Variants in CAST observed in about 807,000 individuals in gnomAD.
CAST encodes the protein MIR583 host.
In CAST, 76 loss-of-function variants were observed where a neutral mutation model predicts 119.6. That is an observed-to-expected ratio of 0.64 (90% CI 0.53 to 0.77). The LOEUF (loss-of-function observed/expected upper bound fraction) is 0.77, where lower values mean the gene tolerates loss of function less well. CAST is among the 30% of genes least tolerant of loss of function. The probability of loss-of-function intolerance (pLI) is 0.00; values close to 1 mark genes in which losing one functional copy is unlikely to be tolerated. For synonymous variants in CAST, 319 were observed against 331.6 expected, an observed-to-expected ratio of 0.96 and a Z score of 0.41; for missense variants, 953 against 946.5, an observed-to-expected ratio of 1.01 and a Z score of -0.09.
At chr5:96,611,070 C>T (rs1747352268) in intron 1 of CAST, among the ~76,000 whole-genome samples, 1 of 152,132 alleles carries the variant, frequency 6.6e-6, no homozygotes, top group Non-Finnish European at 1.5e-5. Flanking sequence ...AATGTCCATA[C>T]TGCCCAAAGC....
chr5:96,361,936 T>C, the CAST span, among the ~76,000 whole-genome samples: 1 of 151,692 alleles, frequency 6.6e-6, no homozygotes, highest in Non-Finnish European at 1.5e-5. Context: ...CTGCACCCAT[T>C]AACTTGTCAT....
intron 1 of CAST, among the ~76,000 whole-genome samples, chr5:96,594,754 T>C (rs1345991205): frequency 6.6e-6 from 1 of 152,228 alleles, no homozygotes; most frequent in Non-Finnish European, 1.5e-5. Flanking sequence ...GATATTATAG[T>C]AAACTCTGTT....
chr5:96,173,281 G>T, the CAST span, among the ~76,000 whole-genome samples: 1 of 152,214 alleles, frequency 6.6e-6, no homozygotes, highest in Admixed American at 6.5e-5. Context: ...TCATGTAAAG[G>T]AGCAGGAACT....
rs372369875 is a variant in CAST, at chr5:96,647,518, C to T, written c.61-28021C>T. On this transcript the variant is annotated intron_variant, in intron 1 of 11. Transcript: ENST00000505143. ...CTAAGTGTTATGAGTTGAAATGTGT[C>T]CCCCCAAAATGAATATGTTGAAGTC... 7.6e-4 allele frequency among the ~76,000 whole-genome samples: 116 copies of T among 152,124 alleles called. 1 individual carries two copies. In the South Asian group the frequency reaches 0.022, roughly 29 times the overall value.
intron 1 of CAST, among the ~76,000 whole-genome samples, chr5:96,600,455 T>C (rs1201127976): frequency 6.6e-6 from 1 of 152,054 alleles, no homozygotes; most frequent in East Asian, 1.9e-4. Context: ...GAAGTTTGAA[T>C]TCATAGACAA....
At chr5:96,220,329 C>T in the CAST span, among the ~76,000 whole-genome samples, 40 of 152,246 alleles carry the variant, frequency 2.6e-4, no homozygotes, top group African/African-American at 9.6e-4. Flanking sequence ...ATTTTAATCT[C>T]AGATGGTAAA....
At chr5:96,607,631 G>GAGGGTGTCCTTTCATGTGCTTTTCA (rs1747284564) in intron 1 of CAST, among the ~76,000 whole-genome samples, 1 of 152,170 alleles carries the variant, frequency 6.6e-6, no homozygotes, top group East Asian at 1.9e-4. Flanking sequence ...TGTGCTTTTC[G>GAGGGTGTCCTTTCATGTGCTTTTCA]AGGGTGTCCT....
chr5:96,367,894 A>G, the CAST span, among the ~76,000 whole-genome samples: 1 of 151,926 alleles, frequency 6.6e-6, no homozygotes, highest in African/African-American at 2.4e-5. Flanking sequence ...AAATGCAGAA[A>G]TCACCCGTCT....
At chr5:96,166,487 T>G in the CAST span, among the ~76,000 whole-genome samples, 1 of 152,176 alleles carries the variant, frequency 6.6e-6, no homozygotes, top group African/African-American at 2.4e-5. Context: ...TCGGTTTCTG[T>G]GTCCCAGGAT....
chr5:96,662,299 T>C (rs2150212290), upstream of CAST: 1 of 1,143,912 alleles, frequency 8.7e-7, no homozygotes, highest in Non-Finnish European at 1.1e-6. Context: ...AGCTGTTTCA[T>C]CGCCCGCTCC....
the CAST span, among the ~76,000 whole-genome samples, chr5:96,280,621 A>T: frequency 6.6e-6 from 1 of 152,358 alleles, no homozygotes; most frequent in East Asian, 1.9e-4. Flanking sequence ...CACTTCTGTA[A>T]AATGGTAACA....
chr5:96,553,238 G>A (rs1746170969), intron 1 of CAST, among the ~76,000 whole-genome samples: 1 of 152,192 alleles, frequency 6.6e-6, no homozygotes, highest in African/African-American at 2.4e-5. Flanking sequence ...TCATCCCTGG[G>A]ATGCAAGGCT....
At chr5:96,010,057 C>T in the CAST span, among the ~76,000 whole-genome samples, 1 of 152,130 alleles carries the variant, frequency 6.6e-6, no homozygotes, top group Non-Finnish European at 1.5e-5. Context: ...AGAATCCTTT[C>T]CCCATTGCTT....
upstream of CAST, among the ~76,000 whole-genome samples, chr5:96,523,331 C>T (rs1745547048): frequency 6.6e-6 from 1 of 152,238 alleles, no homozygotes; most frequent in South Asian, 2.1e-4. Flanking sequence ...AAGGTGTTCC[C>T]AATCTCACCA....
the CAST span, chr5:96,426,009 C>A: frequency 2.5e-6 from 2 of 805,070 alleles, no homozygotes; most frequent in Non-Finnish European, 4.3e-6. Flanking sequence ...CTCCAGTACC[C>A]TTCCCATCAG....
the CAST span, among the ~76,000 whole-genome samples, chr5:96,009,298 A>G: frequency 2.0e-5 from 3 of 152,136 alleles, no homozygotes; most frequent in South Asian, 6.2e-4. Flanking sequence ...TTTTGGTAGA[A>G]TGATTTATTT....
At chr5:96,111,840 T>C in the CAST span, among the ~76,000 whole-genome samples, 35 of 152,280 alleles carry the variant, frequency 2.3e-4, no homozygotes, top group African/African-American at 8.2e-4. Context: ...AATAAATTTG[T>C]CTTGCTATGT....
chr5:96,237,939 T>A, the CAST span, among the ~76,000 whole-genome samples: 2 of 152,112 alleles, frequency 1.3e-5, no homozygotes, highest in South Asian at 4.1e-4. Flanking sequence ...CTTTATCCTC[T>A]AATTTATAAA....
chr5:96,420,998 T>G, the CAST span, among the ~76,000 whole-genome samples: 1 of 152,228 alleles, frequency 6.6e-6, no homozygotes, highest in Non-Finnish European at 1.5e-5. Context: ...AAGTCTCTTC[T>G]GTGTAGAGAA....
Sources: allele counts gnomAD v4.1 joint callset (sites outside exome capture counted in the v4.1 genomes callset), GRCh38; gene constraint gnomAD v4.1.1; transcripts MANE v1.5; gene names NCBI Gene and HGNC (gene_info 2026-07-23, HGNC 2026-07-21).